RBFOX1: variants seen among roughly 807,000 people sequenced by gnomAD.
RBFOX1 encodes the protein RNA binding protein fox-1 homolog 1.
Under a neutral mutation model 57.7 loss-of-function variants are expected in RBFOX1, and 8 were observed. The observed-to-expected ratio is 0.14, with a 90% CI of 0.08 to 0.25. The LOEUF (loss-of-function observed/expected upper bound fraction) is 0.25, where lower values mean the gene tolerates loss of function less well. Ranked by LOEUF, RBFOX1 falls within the 10% of genes least tolerant of loss-of-function variation. The pLI, the probability that RBFOX1 is intolerant of heterozygous loss-of-function variation, is 1.00. For missense variants in RBFOX1, 611 were observed against 548.5 expected (o/e 1.11, Z -1.14); for synonymous variants, 326 against 222.4 (o/e 1.47, Z -4.15).
At chr16:7,568,882 C>CAAAAAAAAAA (rs34858992) in intron 5 of RBFOX1, among the ~76,000 whole-genome samples, 1 of 77,532 alleles carries the variant, frequency 1.3e-5, no homozygotes, top group Non-Finnish European at 2.3e-5. Context: ...GACTCTGTCT[C>CAAAAAAAAAA]AAAAAAAAAA....
Position 6,019,821 on chromosome 16 carries a change from C to T in RBFOX1, c.-298C>T. 2 of 1,505,432 alleles carry T rather than the reference C, an allele frequency of 1.3e-6. No individual in the cohort carries two copies. The highest frequency in any genetic ancestry group is 1.8e-6 in the Non-Finnish European group (2 of 1,127,912). The allele number at this position is 1,505,432 out of a possible 1,614,324, so 93.3% of individuals were successfully genotyped here. On this transcript the variant is annotated 5_prime_UTR_variant, in exon 1 of 16. Coordinates refer to ENST00000550418, the MANE Select transcript of RBFOX1 (RefSeq NM_018723.4). This position sits in a 1 kb window ranked among gnomAD's most constrained non-coding sequence, Gnocchi z 4.2. ...CCCTCGCCGCGCCCAGGCAGGCGCG[C>T]CAGGGCGGGGCTGACCTGCCCGCGA... is the stretch of plus-strand genomic sequence containing the variant.
intron 2 of RBFOX1, among the ~76,000 whole-genome samples, chr16:6,633,519 C>T (rs1230653110): frequency 1.3e-5 from 2 of 152,106 alleles, no homozygotes; most frequent in African/African-American, 2.4e-5. Context: ...ATCTTGAATA[C>T]CTGGCCTCAA....
intron 2 of RBFOX1, among the ~76,000 whole-genome samples, chr16:6,485,686 A>G (rs574684102): frequency 6.6e-6 from 1 of 152,310 alleles, no homozygotes; most frequent in South Asian, 2.1e-4. Flanking sequence ...CTTTGAAAAC[A>G]CTTTTACTAT....
intron 3 of RBFOX1, among the ~76,000 whole-genome samples, chr16:6,879,659 G>A (rs947131849): frequency 6.6e-6 from 1 of 152,142 alleles, no homozygotes; most frequent in African/African-American, 2.4e-5. Context: ...GTCCAGTTGT[G>A]TTATTTCAGT....
At chr16:7,573,485 C>T (rs2093002086) in intron 5 of RBFOX1, among the ~76,000 whole-genome samples, 1 of 152,164 alleles carries the variant, frequency 6.6e-6, no homozygotes, top group African/African-American at 2.4e-5. Context: ...GTCCTACCTT[C>T]TGATCTCCCA....
Position 6,478,425 on chromosome 16 carries a change from ATATATTTT to A in RBFOX1, c.-64+161370_-64+161377del, listed in dbSNP as rs1466374976. On this transcript the variant is annotated intron_variant, in intron 2 of 15. Coordinates refer to ENST00000550418, the MANE Select transcript of RBFOX1 (RefSeq NM_018723.4). ...TATATATATATATATATATATATAT[ATATATTTT>A]TTTTTTTTTTTTTTGTATTTTTAGT... Among the ~76,000 whole-genome samples, 55 of 11,748 alleles carry A rather than the reference ATATATTTT, an allele frequency of 4.7e-3. 3 individuals are homozygous for A. Among genetic ancestry groups the A allele is most frequent in the African/African-American group, 0.013 (49 of 3,870 alleles). The allele number at this position is 11,748 out of a possible 152,430, so 7.7% of individuals were successfully genotyped here. A position where few individuals can be genotyped will look rare whatever the true frequency, so the allele number is the denominator to read the frequency against.
At chr16:7,019,099 T>C (rs2094073547) in intron 3 of RBFOX1, among the ~76,000 whole-genome samples, 1 of 152,112 alleles carries the variant, frequency 6.6e-6, no homozygotes, top group South Asian at 2.1e-4. Flanking sequence ...TCTGTGTGTG[T>C]ATGTGTAAAG....
Position 6,722,740 on chromosome 16 carries a change from C to T in RBFOX1, c.-16+68090C>T, listed in dbSNP as rs1406089782. ...TTGTAGAAGCAGTCTGAATTAAGGG[C>T]CCCGTTCATCAATACTACATGAATT... On this transcript the variant is annotated intron_variant, in intron 3 of 15. Coordinates refer to ENST00000550418, the MANE Select transcript of RBFOX1 (RefSeq NM_018723.4). Among the ~76,000 whole-genome samples, 3 of 152,158 alleles carry T rather than the reference C, an allele frequency of 2.0e-5. No homozygotes were observed. The East Asian group carries it at 5.8e-4, about 29-fold the overall frequency.
intron 3 of RBFOX1, among the ~76,000 whole-genome samples, chr16:7,024,707 T>C (rs1321892826): frequency 6.6e-6 from 1 of 152,194 alleles, no homozygotes; most frequent in African/African-American, 2.4e-5. Flanking sequence ...CACAAATTCC[T>C]CAGCACTCTG....
At chr16:5,908,351 TGTCTGTGTGTG>T (rs1481659531) in intron 4 of RBFOX1, among the ~76,000 whole-genome samples, 5 of 81,138 alleles carry the variant, frequency 6.2e-5, no homozygotes, top group Admixed American at 1.5e-4. Context: ...TGTGTGTGTG[TGTCTGTGTGTG>T]TTTTTTGTAA....
At chr16:5,503,189 G>A (rs72633286) in intron 2 of RBFOX1, among the ~76,000 whole-genome samples, 4,263 of 152,258 alleles carry the variant, frequency 0.028, 113 homozygotes, top group East Asian at 0.1. Context: ...ACATCTCTGT[G>A]CCACAGTGTC....
intron 4 of RBFOX1, among the ~76,000 whole-genome samples, chr16:7,453,558 G>A (rs1041098516): frequency 6.6e-6 from 1 of 152,296 alleles, no homozygotes; most frequent in East Asian, 1.9e-4. Context: ...ATGACAGTAA[G>A]CCAGGAGCTC....
At chr16:6,647,198 A>G (rs1417274644) in intron 2 of RBFOX1, among the ~76,000 whole-genome samples, 1 of 152,144 alleles carries the variant, frequency 6.6e-6, no homozygotes. Context: ...AGAGAAAATG[A>G]GTGAGCTCTC....
chr16:7,004,919 C>G (rs934391459), intron 3 of RBFOX1, among the ~76,000 whole-genome samples: 1 of 151,980 alleles, frequency 6.6e-6, no homozygotes, highest in African/African-American at 2.4e-5. Context: ...TAAGGTGGGC[C>G]GATCACTTGA....
chr16:5,933,875 C>T (rs984483126), intron 4 of RBFOX1, among the ~76,000 whole-genome samples: 2 of 151,690 alleles, frequency 1.3e-5, no homozygotes, highest in African/African-American at 4.8e-5. Flanking sequence ...GTTTGTTGTA[C>T]AGATTATTTC....
chr16:6,398,912 C>A (rs1294704629), intron 2 of RBFOX1, among the ~76,000 whole-genome samples: 2 of 152,240 alleles, frequency 1.3e-5, no homozygotes, highest in African/African-American at 2.4e-5. Context: ...CCCACATTTC[C>A]CTTCTGCACT....
intron 5 of RBFOX1, among the ~76,000 whole-genome samples, chr16:7,541,156 T>A (rs1168825706): frequency 6.6e-6 from 1 of 152,236 alleles, no homozygotes; most frequent in Non-Finnish European, 1.5e-5. Context: ...GCAAGATAAT[T>A]CACTCTAATT....
intron 4 of RBFOX1, among the ~76,000 whole-genome samples, chr16:5,918,307 AC>A (rs1792878775): frequency 6.6e-6 from 1 of 152,120 alleles, no homozygotes; most frequent in Non-Finnish European, 1.5e-5. Context: ...TTTAGTACAG[AC>A]GGGGTTTCAC....
At chr16:7,514,040 A>G (rs2075803995) in intron 4 of RBFOX1, among the ~76,000 whole-genome samples, 1 of 152,120 alleles carries the variant, frequency 6.6e-6, no homozygotes, top group Non-Finnish European at 1.5e-5. Flanking sequence ...CTACTTATGC[A>G]ATAATGGCTT....
Sources: allele counts gnomAD v4.1 joint callset (sites outside exome capture counted in the v4.1 genomes callset), GRCh38; gene constraint gnomAD v4.1.1; non-coding constraint Gnocchi (gnomAD v3.1); transcripts MANE v1.5; gene names NCBI Gene and HGNC (gene_info 2026-07-23, HGNC 2026-07-21).